The following PUDP variants were observed in gnomAD, a reference collection of about 807,000 sequenced individuals.
PUDP encodes pseudouridine-5'-phosphatase.
Under a neutral mutation model 9.4 loss-of-function variants are expected in PUDP, and 8 were observed. That is an observed-to-expected ratio of 0.85 (90% CI 0.50 to 1.53). PUDP has a LOEUF of 1.53. Ranked by LOEUF, PUDP falls within the 40% of genes most tolerant of loss-of-function variation. The pLI is 0.00. For synonymous variants in PUDP, 99 were observed against 80.7 expected, an observed-to-expected ratio of 1.23 and a Z score of -1.22; for missense variants, 188 against 189.7, an observed-to-expected ratio of 0.99 and a Z score of 0.05.
chrX:7,022,377 A>C (rs1929644954), intron 1 of PUDP, among the ~76,000 whole-genome samples: 1 of 111,963 alleles, frequency 8.9e-6, no homozygotes, highest in South Asian at 3.8e-4. Context: ...ACTTGATTTA[A>C]AGGTTAAATT....
chrX:7,131,698 C>T (rs1463268596), intron 1 of PUDP, among the ~76,000 whole-genome samples: 1 of 108,725 alleles, frequency 9.2e-6, no homozygotes, highest in Non-Finnish European at 1.9e-5. Context: ...CTACCAGTCT[C>T]CAGTGTCTAA....
chrX:7,047,987 C>T (rs1930006386), downstream of PUDP, among the ~76,000 whole-genome samples: 1 of 112,217 alleles, frequency 8.9e-6, no homozygotes, highest in Admixed American at 9.5e-5. Context: ...CAGCATCACT[C>T]CTATTCCTTA....
At chrX:7,020,920 C>T (rs1270116200) in intron 1 of PUDP, among the ~76,000 whole-genome samples, 1 of 112,595 alleles carries the variant, frequency 8.9e-6, no homozygotes, top group African/African-American at 3.2e-5. Flanking sequence ...TACTTCACCA[C>T]CGTGGACTGG....
chrX:6,745,688 G>A (rs772510603), intron 3 of PUDP, among the ~76,000 whole-genome samples: 1 of 111,503 alleles, frequency 9.0e-6, no homozygotes, highest in South Asian at 3.8e-4. Context: ...CTGTTACCCA[G>A]GCTGGAGTAC....
intron 1 of PUDP, among the ~76,000 whole-genome samples, chrX:7,004,635 A>G (rs1054193265): frequency 2.7e-5 from 3 of 112,344 alleles, no homozygotes; most frequent in Non-Finnish European, 5.6e-5. Context: ...GACAGCGATA[A>G]TTCTCCATTA....
At chrX:7,076,209 G>A (rs768727908) in intron 3 of PUDP, among the ~76,000 whole-genome samples, 1 of 112,096 alleles carries the variant, frequency 8.9e-6, no homozygotes, top group Non-Finnish European at 1.9e-5. Flanking sequence ...TTATTGGGAA[G>A]GTTTCTGAGT....
intron 2 of PUDP, among the ~76,000 whole-genome samples, chrX:7,104,762 T>C (rs1406853109): frequency 8.9e-6 from 1 of 112,073 alleles, no homozygotes; most frequent in East Asian, 2.8e-4. Flanking sequence ...GGGTGTGTGT[T>C]TGCATGTGTG....
intron 3 of PUDP, among the ~76,000 whole-genome samples, chrX:6,811,188 G>A (rs1926138642): frequency 9.0e-6 from 1 of 111,585 alleles, no homozygotes; most frequent in Admixed American, 9.5e-5. Flanking sequence ...TTGCACTGAC[G>A]AAGTTCTTAT....
At chrX:7,106,795 G>T (rs1931896539) in intron 1 of PUDP, among the ~76,000 whole-genome samples, 1 of 111,525 alleles carries the variant, frequency 9.0e-6, no homozygotes, top group African/African-American at 3.3e-5. Context: ...GGCCTAGAAA[G>T]ATTACTTTAC....
At chrX:6,707,557 A>G (rs1890542973) in intron 1 of PUDP, among the ~76,000 whole-genome samples, 2 of 111,643 alleles carry the variant, frequency 1.8e-5, no homozygotes, top group Admixed American at 9.6e-5. Flanking sequence ...TTAGATTCTC[A>G]TAAGGAGCAC....
intron 3 of PUDP, among the ~76,000 whole-genome samples, chrX:6,968,747 G>C (rs1928825187): frequency 9.0e-6 from 1 of 110,522 alleles, no homozygotes; most frequent in Non-Finnish European, 1.9e-5. Context: ...AGCCTCCCCA[G>C]TAGCTGGGAC....
chrX:7,050,223 A>G lies in PUDP; in HGVS notation c.*73T>C. 2 of 1,041,727 alleles carry G rather than the reference A, an allele frequency of 1.9e-6. No individual in the cohort carries two copies. Among genetic ancestry groups the G allele is most frequent in the South Asian group, 4.6e-5 (2 of 43,476 alleles). The allele number at this position is 1,041,727 out of a possible 1,213,427, so 85.8% of individuals were successfully genotyped here. On this transcript the variant is annotated 3_prime_UTR_variant, in exon 4 of 4. Transcript: ENST00000381077. ...GCAGGTTGGGATTGAAGAGTTGCTG[A>G]TTTCCTTTCCCTTTCCCCCAGCAGT...
At chrX:7,086,852 G>A (rs745356032) in intron 2 of PUDP, among the ~76,000 whole-genome samples, 1 of 111,931 alleles carries the variant, frequency 8.9e-6, no homozygotes, top group Non-Finnish European at 1.9e-5. Context: ...CCTATATCCT[G>A]GACGTAAGAC....
At chrX:7,034,472 T>G (rs958921390) in intron 1 of PUDP, among the ~76,000 whole-genome samples, 2 of 111,952 alleles carry the variant, frequency 1.8e-5, no homozygotes, top group Non-Finnish European at 3.8e-5. Context: ...AGAAGAAAAA[T>G]GTCATTTCTG....
chrX:6,928,017 T>C (rs1274070706), intron 3 of PUDP, among the ~76,000 whole-genome samples: 1 of 106,535 alleles, frequency 9.4e-6, no homozygotes, highest in African/African-American at 3.5e-5. Flanking sequence ...TGCAGTGGCA[T>C]GATTTCGGCT....
chrX:6,888,987 T>C (rs1602660645), intron 3 of PUDP, among the ~76,000 whole-genome samples: 1 of 112,581 alleles, frequency 8.9e-6, no homozygotes, highest in East Asian at 2.8e-4. Context: ...ACATGGATTC[T>C]GGCAAGGGAA....
At chrX:7,124,066 C>T (rs1341288547) in intron 1 of PUDP, among the ~76,000 whole-genome samples, 3 of 112,177 alleles carry the variant, frequency 2.7e-5, no homozygotes, top group Non-Finnish European at 5.6e-5. Flanking sequence ...GACATCTATA[C>T]AAAACTGACC....
intron 3 of PUDP, among the ~76,000 whole-genome samples, chrX:6,730,427 A>G (rs1345402564): frequency 8.9e-6 from 1 of 112,300 alleles, no homozygotes; most frequent in African/African-American, 3.2e-5. Context: ...CCATTACACA[A>G]TCACAAAACT....
At chrX:6,913,835 C>T (rs1927883738) in intron 3 of PUDP, among the ~76,000 whole-genome samples, 1 of 111,016 alleles carries the variant, frequency 9.0e-6, no homozygotes, top group Non-Finnish European at 1.9e-5. Flanking sequence ...ACTTTGTCCC[C>T]CTGTCTCCAA....
Sources: allele counts gnomAD v4.1 joint callset (sites outside exome capture counted in the v4.1 genomes callset), GRCh38; gene constraint gnomAD v4.1.1; transcripts MANE v1.5; gene names NCBI Gene and HGNC (gene_info 2026-07-23, HGNC 2026-07-21).